Variants in CA1 observed in about 807,000 individuals in gnomAD.
CA1 encodes carbonic anhydrase 1.
CA1 carries 27 observed loss-of-function variants against 28.8 expected under a neutral mutation model. That is an observed-to-expected ratio of 0.94 (90% CI 0.69 to 1.29). The LOEUF (loss-of-function observed/expected upper bound fraction) is 1.29, where lower values mean the gene tolerates loss of function less well. Among genes scored for constraint, CA1 ranks in the 50% most tolerant of loss-of-function variants. The pLI is 0.00. For missense variants in CA1, 335 were observed against 310.5 expected (o/e 1.08, Z -0.59); for synonymous variants, 121 against 108.8 (o/e 1.11, Z -0.70).
intron 6 of CA1, among the ~76,000 whole-genome samples, chr8:85,330,520 G>A (rs1221503357): frequency 6.6e-6 from 1 of 152,052 alleles, no homozygotes; most frequent in Non-Finnish European, 1.5e-5. Flanking sequence ...GGTCACAGTG[G>A]CACTTTTGTC....
chr8:85,376,404 A>G (rs181655375), intron 1 of CA1, among the ~76,000 whole-genome samples: 1 of 152,060 alleles, frequency 6.6e-6, no homozygotes, highest in Non-Finnish European at 1.5e-5. Context: ...CCTCACACCT[A>G]TAATCCCAGC....
chr8:85,340,149 AGAG>A (rs757644054), intron 2 of CA1, among the ~76,000 whole-genome samples: 174 of 152,340 alleles, frequency 1.1e-3, no homozygotes, highest in Non-Finnish European at 1.7e-3. Flanking sequence ...TCATAGCTAG[AGAG>A]GAGAAGTCAA....
chr8:85,347,501 A>G (rs1026012372), intron 1 of CA1, among the ~76,000 whole-genome samples: 1 of 152,194 alleles, frequency 6.6e-6, no homozygotes, highest in Non-Finnish European at 1.5e-5. Flanking sequence ...CAGCCAGAAA[A>G]TAGTCATATG....
chr8:85,366,035 A>G (rs1218499030), intron 1 of CA1, among the ~76,000 whole-genome samples: 2 of 152,104 alleles, frequency 1.3e-5, no homozygotes, highest in Non-Finnish European at 2.9e-5. Context: ...GCCTTTGCCA[A>G]TGTCCTATGT....
intron 4 of CA1, among the ~76,000 whole-genome samples, chr8:85,334,291 T>C (rs1466960488): frequency 6.6e-6 from 1 of 152,168 alleles, no homozygotes; most frequent in African/African-American, 2.4e-5. Flanking sequence ...AATCAATAAG[T>C]ACAACAACTA....
chr8:85,344,643 G>A (rs1249143019), intron 1 of CA1, among the ~76,000 whole-genome samples: 2 of 151,616 alleles, frequency 1.3e-5, no homozygotes, highest in Non-Finnish European at 2.9e-5. Flanking sequence ...ATAAATTATG[G>A]TGAGTTTCAA....
chr8:85,342,795 A>T lies in CA1; in HGVS notation c.-24-1136T>A, dbSNP rs890749802. The T allele has an allele frequency of 3.3e-5, 5 of 152,258 alleles. No homozygotes were observed. In the South Asian group the frequency reaches 1.0e-3, roughly 32 times the overall value. 9.4% of individuals were successfully genotyped at this position (152,258 alleles called of 1,614,324 possible). A position where few individuals can be genotyped will look rare whatever the true frequency, so the allele number is the denominator to read the frequency against. ...CCATGACAGTCATTCCTCCTTTCAC[A>T]TGGTAAGGATTGTCTGAGCTGCTGC... On this transcript the variant is annotated intron_variant, in intron 1 of 7. Coordinates refer to ENST00000523022, the MANE Select transcript of CA1 (RefSeq NM_001128831.4).
chr8:85,364,177 A>T (rs372940269), intron 1 of CA1, among the ~76,000 whole-genome samples: 24 of 151,956 alleles, frequency 1.6e-4, no homozygotes, highest in African/African-American at 5.8e-4. Context: ...TTCTCTCTTT[A>T]CCTTCAGACT....
rs564584838 is a variant in CA1, at chr8:85,363,349, A to C, written c.-25+14697T>G. ...CGCTTGCTAACCATTTAAGAAATAC[A>C]GATTTACATACTTTCAAGGCATATC... On this transcript the variant is annotated intron_variant, in intron 1 of 7. Coordinates refer to ENST00000523022, the MANE Select transcript of CA1 (RefSeq NM_001128831.4). Among the ~76,000 whole-genome samples the C allele has an allele frequency of 2.9e-4, 44 of 152,354 alleles. No homozygotes were observed. The South Asian group carries it at 9.1e-3, about 32-fold the overall frequency.
rs7821248 is a variant in CA1 at position 85,333,547 on chromosome 8, G to A, written c.428C>T (p.Ala143Val). 8,222 of 1,611,646 alleles carry A rather than the reference G, an allele frequency of 5.1e-3. 340 individuals carry two copies. In the African/African-American group the frequency reaches 0.094, roughly 18 times the overall value. ...CACCTTCATCAAAACACCAATAACT[G>A]CCAAACCATCAGCCTTTGAGGCAGC... ...AEAASKADGL[A>V]VIGVLMKVGE... is the part of the protein sequence containing the mutation. The change falls in exon 5 of 8, where the codon GCA (alanine) becomes GTA (valine). Residue 143 changes from alanine to valine, a missense_variant. Transcript: ENST00000523022.
intron 1 of CA1, among the ~76,000 whole-genome samples, chr8:85,360,191 G>C (rs1262086996): frequency 6.6e-6 from 1 of 151,992 alleles, no homozygotes; most frequent in African/African-American, 2.4e-5. Flanking sequence ...ACCCTAACTT[G>C]CTTGAAATAT....
intron 2 of CA1, among the ~76,000 whole-genome samples, chr8:85,340,400 C>T (rs1808866373): frequency 6.6e-6 from 1 of 152,200 alleles, no homozygotes; most frequent in Admixed American, 6.5e-5. Context: ...GAGCTCTACT[C>T]CTCAGTAAAA....
At chr8:85,364,504 G>T (rs189896297) in intron 1 of CA1, among the ~76,000 whole-genome samples, 1 of 152,108 alleles carries the variant, frequency 6.6e-6, no homozygotes, top group Admixed American at 6.5e-5. Flanking sequence ...AAACACTTTT[G>T]TTAAATATTG....
chr8:85,362,178 C>T (rs760475608), intron 1 of CA1, among the ~76,000 whole-genome samples: 21 of 152,196 alleles, frequency 1.4e-4, no homozygotes, highest in Non-Finnish European at 2.4e-4. Context: ...CTTCTCCATC[C>T]TCAAAGCGAG....
At chr8:85,344,235 AAT>A (rs879806595) in intron 1 of CA1, among the ~76,000 whole-genome samples, 1,532 of 100,308 alleles carry the variant, frequency 0.015, 75 homozygotes, top group African/African-American at 0.041. Context: ...TACAGTATAT[AAT>A]ATATAATTAT....
At chr8:85,367,112 A>T (rs1010392686) in intron 1 of CA1, among the ~76,000 whole-genome samples, 10 of 151,940 alleles carry the variant, frequency 6.6e-5, no homozygotes, top group Admixed American at 2.0e-4. Context: ...AAAAATTAAA[A>T]TTTTTTAAAA....
chr8:85,329,000 C>CG (rs1808288052), intron 7 of CA1, among the ~76,000 whole-genome samples: 1 of 152,184 alleles, frequency 6.6e-6, no homozygotes. Context: ...GGGCGAGCGA[C>CG]TTATTAGCTT....
At chr8:85,375,894 C>T (rs1810396697) in intron 1 of CA1, among the ~76,000 whole-genome samples, 1 of 152,078 alleles carries the variant, frequency 6.6e-6, no homozygotes, top group Non-Finnish European at 1.5e-5. Context: ...AATAAAATGA[C>T]AAAAGGATTC....
At chr8:85,344,064 G>A (rs1412277848) in intron 1 of CA1, among the ~76,000 whole-genome samples, 1 of 124,228 alleles carries the variant, frequency 8.0e-6, no homozygotes, top group East Asian at 2.2e-4. Flanking sequence ...CACAGACTCT[G>A]CTCTTCTAAA....
Sources: gnomAD v4.1 joint callset for allele counts (sites outside exome capture counted in the v4.1 genomes callset) on GRCh38, gnomAD v4.1.1 for gene constraint, MANE v1.5 for transcripts, NCBI Gene and HGNC (gene_info 2026-07-23, HGNC 2026-07-21) for gene names.